Variants in CCNY observed in about 807,000 individuals in gnomAD.
CCNY encodes cyclin Y.
A neutral mutation model predicts 42.8 loss-of-function variants in CCNY; 19 were observed. The ratio of observed to expected loss-of-function variants is 0.44; its 90% CI spans 0.31 to 0.65. The LOEUF (loss-of-function observed/expected upper bound fraction) is 0.65. Ranked by LOEUF, CCNY falls within the 30% of genes least tolerant of loss-of-function variation. The probability of loss-of-function intolerance (pLI) is 0.07; values close to 1 mark genes in which losing one functional copy is unlikely to be tolerated. For missense variants in CCNY, 370 were observed against 437.3 expected (o/e 0.85, Z 1.37); for synonymous variants, 165 against 162.7 (o/e 1.01, Z -0.11).
At chr10:35,449,317 G>A (rs1838863992) in intron 1 of CCNY, among the ~76,000 whole-genome samples, 1 of 151,424 alleles carries the variant, frequency 6.6e-6, no homozygotes, top group African/African-American at 2.4e-5. Flanking sequence ...AGATGGTCCC[G>A]GCAGTCAGCG....
chr10:35,473,492 G>A (rs911755010), intron 1 of CCNY, among the ~76,000 whole-genome samples: 1 of 152,212 alleles, frequency 6.6e-6, no homozygotes, highest in African/African-American at 2.4e-5. Flanking sequence ...ACGCTGCAAA[G>A]GCGGGTCTAA....
In CCNY at chr10:35,530,832, G is replaced by GTT. The variant is rs1840749561; in HGVS notation, c.579+589_579+590insTT. On this transcript the variant is annotated intron_variant, in intron 7 of 9. Coordinates refer to ENST00000374704, the MANE Select transcript of CCNY (RefSeq NM_145012.6). The surrounding 1 kb of genome is among the most constrained non-coding windows in gnomAD (Gnocchi z 4.3). ...CACGTCAGTAATTTCAGCACTTTGG[G>GTT]AGGTCAAGGTGGGAGGATCACTTGA... 6.6e-6 allele frequency among the ~76,000 whole-genome samples: 1 copy of GTT among 152,172 alleles called. No individual in the cohort carries two copies. The highest frequency in any genetic ancestry group is 2.4e-5 in the African/African-American group (1 of 41,462).
intron 3 of CCNY, among the ~76,000 whole-genome samples, chr10:35,317,971 G>A (rs987336283): frequency 5.9e-5 from 9 of 152,180 alleles, no homozygotes; most frequent in Non-Finnish European, 1.3e-4. Flanking sequence ...GCTCTTGCCT[G>A]TAATCCTAGC....
chr10:35,323,232 A>T (rs975854684), intron 3 of CCNY, among the ~76,000 whole-genome samples: 6 of 151,994 alleles, frequency 3.9e-5, no homozygotes, highest in African/African-American at 1.4e-4. Context: ...CTCGGCTGCC[A>T]TTTCTTTTAA....
At chr10:35,318,375 T>C (rs183136926) in intron 3 of CCNY, among the ~76,000 whole-genome samples, 134 of 152,246 alleles carry the variant, frequency 8.8e-4, no homozygotes, top group African/African-American at 2.8e-3. Context: ...AACTGAGAAC[T>C]GAGTAGCGAA....
At chr10:35,568,948 A>AG in intron 9 of CCNY, 106 bp from the exon 10 acceptor site, 1 of 731,604 alleles carries the variant, frequency 1.4e-6, no homozygotes. Flanking sequence ...CCACAGGGGC[A>AG]GGGGCTCTGC....
intron 1 of CCNY, among the ~76,000 whole-genome samples, chr10:35,372,721 C>T (rs1053577416): frequency 8.5e-5 from 13 of 152,300 alleles, no homozygotes; most frequent in Middle Eastern, 3.4e-3. Context: ...TATTTTGAGA[C>T]GGAGTTTCAC....
intron 3 of CCNY, among the ~76,000 whole-genome samples, chr10:35,515,312 A>G (rs1234395192): frequency 6.6e-6 from 1 of 152,248 alleles, no homozygotes; most frequent in Non-Finnish European, 1.5e-5. Context: ...CTGTGATTTA[A>G]GAAATTGGAA....
intron 3 of CCNY, among the ~76,000 whole-genome samples, chr10:35,310,019 C>T (rs2135084369): frequency 6.6e-6 from 1 of 152,190 alleles, no homozygotes; most frequent in South Asian, 2.1e-4. Flanking sequence ...CCAGGATGGT[C>T]TCGATCTCCT....
chr10:35,396,758 T>G (rs1218491400), intron 1 of CCNY, among the ~76,000 whole-genome samples: 1 of 152,174 alleles, frequency 6.6e-6, no homozygotes, highest in Admixed American at 6.5e-5. Flanking sequence ...GTGCTTGAGT[T>G]GCTGGGTGCT....
intron 1 of CCNY, among the ~76,000 whole-genome samples, chr10:35,478,431 C>T (rs1839573262): frequency 2.0e-5 from 3 of 150,672 alleles, no homozygotes; most frequent in Non-Finnish European, 4.4e-5. Context: ...GTACTGGTAC[C>T]AAAACAGAGA....
intron 3 of CCNY, among the ~76,000 whole-genome samples, chr10:35,290,261 CACAA>C (rs1213427960): frequency 9.4e-4 from 142 of 150,528 alleles, no homozygotes; most frequent in African/African-American, 3.4e-3. Context: ...CACACACACA[CACAA>C]AATTAGCTGG....
At chr10:35,537,580 G>A (rs760736351) in intron 7 of CCNY, among the ~76,000 whole-genome samples, 2 of 152,192 alleles carry the variant, frequency 1.3e-5, no homozygotes, top group Admixed American at 1.3e-4. Context: ...TTGGATCAGC[G>A]TGACCTGGAG....
chr10:35,335,756 T>C (rs1360897710), upstream of CCNY, among the ~76,000 whole-genome samples: 1 of 148,470 alleles, frequency 6.7e-6, no homozygotes, highest in Non-Finnish European at 1.5e-5. Context: ...GGCGCCCGTG[T>C]TACAAAGGGA....
chr10:35,525,861 CT>C, intron 4 of CCNY, 102 bp from the exon 5 acceptor site: 2 of 1,003,628 alleles, frequency 2.0e-6, no homozygotes, highest in Non-Finnish European at 3.0e-6. Flanking sequence ...GATTGTTAGA[CT>C]TTTACTTCTG....
At chr10:35,467,708 C>G (rs1185685540) in intron 1 of CCNY, among the ~76,000 whole-genome samples, 1 of 152,130 alleles carries the variant, frequency 6.6e-6, no homozygotes, top group Non-Finnish European at 1.5e-5. Context: ...TAGGTGGATC[C>G]CAGTTTCATT....
intron 7 of CCNY, among the ~76,000 whole-genome samples, chr10:35,535,513 T>TATGTGTATGTATAC (rs1840867877): frequency 6.6e-6 from 1 of 151,962 alleles, no homozygotes; most frequent in South Asian, 2.1e-4. Flanking sequence ...TATATGTGTA[T>TATGTGTATGTATAC]GTATATGTGT....
chr10:35,557,425 A>C (rs1331223817), intron 8 of CCNY, among the ~76,000 whole-genome samples: 3 of 152,228 alleles, frequency 2.0e-5, no homozygotes, highest in African/African-American at 7.2e-5. Flanking sequence ...AAACACTTTC[A>C]GGTCTGAGTT....
At chr10:35,314,244 GA>G (rs1835726059) in intron 3 of CCNY, among the ~76,000 whole-genome samples, 1 of 152,074 alleles carries the variant, frequency 6.6e-6, no homozygotes, top group Non-Finnish European at 1.5e-5. Context: ...AATTTGTAAA[GA>G]AAAAGGTTTA....
Sources: allele counts gnomAD v4.1 joint callset (sites outside exome capture counted in the v4.1 genomes callset), GRCh38; gene constraint gnomAD v4.1.1; non-coding constraint Gnocchi (gnomAD v3.1); transcripts MANE v1.5; gene names NCBI Gene and HGNC (gene_info 2026-07-23, HGNC 2026-07-21).